Variants in CSNK1G3 observed in about 807,000 individuals in gnomAD.
The protein encoded by CSNK1G3 is casein kinase 1 gamma 3.
Under a neutral mutation model 64.3 loss-of-function variants are expected in CSNK1G3, and 23 were observed. The observed-to-expected ratio is 0.36, with a 90% CI of 0.26 to 0.51. The LOEUF is 0.51. Among genes scored for constraint, CSNK1G3 ranks in the 20% least tolerant of loss-of-function variants. The probability of loss-of-function intolerance (pLI) is 0.96; values close to 1 mark genes in which losing one functional copy is unlikely to be tolerated. For synonymous variants in CSNK1G3, 158 were observed against 162.2 expected (o/e 0.97, Z 0.20); for missense variants, 357 against 510.5 (o/e 0.70, Z 2.90).
At chr5:123,533,003 C>T (rs951340292) in intron 1 of CSNK1G3, among the ~76,000 whole-genome samples, 1 of 151,806 alleles carries the variant, frequency 6.6e-6, no homozygotes, top group Non-Finnish European at 1.5e-5. Flanking sequence ...TTTGTATTAT[C>T]TTTTAATTCT....
At chr5:123,577,003 C>T (rs1326396477) in intron 6 of CSNK1G3, among the ~76,000 whole-genome samples, 6 of 151,976 alleles carry the variant, frequency 3.9e-5, no homozygotes, top group African/African-American at 4.8e-5. Context: ...CTTATTAATT[C>T]TTATCTTATT....
chr5:123,537,839 A>G (rs1781089774), intron 1 of CSNK1G3, among the ~76,000 whole-genome samples: 1 of 152,120 alleles, frequency 6.6e-6, no homozygotes, highest in South Asian at 2.1e-4. Context: ...TTACAGTCAA[A>G]TTTCCTACCA....
chr5:123,531,192 G>A (rs1273572364), intron 1 of CSNK1G3, among the ~76,000 whole-genome samples: 8 of 152,020 alleles, frequency 5.3e-5, no homozygotes, highest in Admixed American at 5.2e-4. Flanking sequence ...ATTTCCATTT[G>A]TTGTAAATTT....
At chr5:123,608,050 C>T (rs751074969) in intron 12 of CSNK1G3, among the ~76,000 whole-genome samples, 4 of 152,112 alleles carry the variant, frequency 2.6e-5, no homozygotes, top group African/African-American at 2.4e-5. Flanking sequence ...CTGCCCCAGC[C>T]CCCCCAGTAG....
chr5:123,517,424 C>T (rs753059486), intron 1 of CSNK1G3, among the ~76,000 whole-genome samples: 4 of 151,800 alleles, frequency 2.6e-5, no homozygotes, highest in South Asian at 4.2e-4. Flanking sequence ...GATAAAAAGG[C>T]GTTTGTATGA....
At chr5:123,582,510 T>G (rs1790491648) in intron 6 of CSNK1G3, among the ~76,000 whole-genome samples, 1 of 152,226 alleles carries the variant, frequency 6.6e-6, no homozygotes, top group African/African-American at 2.4e-5. Flanking sequence ...TTATGGTACA[T>G]ATATTCCTGA....
chr5:123,584,150 A>G (rs1453980644), intron 6 of CSNK1G3, among the ~76,000 whole-genome samples: 1 of 152,200 alleles, frequency 6.6e-6, no homozygotes, highest in Non-Finnish European at 1.5e-5. Flanking sequence ...TCCAATCTGA[A>G]TATCTGTTAA....
chr5:123,579,289 C>T (rs573936383), intron 6 of CSNK1G3, among the ~76,000 whole-genome samples: 537 of 44,754 alleles, frequency 0.012, 3 homozygotes, highest in East Asian at 0.074. Flanking sequence ...TGTAAATTTG[C>T]TGTTTTTTTT....
chr5:123,530,803 A>G (rs1779795996), intron 1 of CSNK1G3, among the ~76,000 whole-genome samples: 1 of 152,222 alleles, frequency 6.6e-6, no homozygotes, highest in African/African-American at 2.4e-5. Context: ...AAGTTTCTGT[A>G]GTATGTAATT....
chr5:123,599,027 C>A (rs1793954502), intron 10 of CSNK1G3, among the ~76,000 whole-genome samples: 1 of 152,102 alleles, frequency 6.6e-6, no homozygotes, highest in Non-Finnish European at 1.5e-5. Context: ...AAATCAAGAT[C>A]CCCAAAATTA....
chr5:123,588,177 T>C (rs760223290), intron 7 of CSNK1G3, 24 bp downstream of exon 7: 1 of 1,470,970 alleles, frequency 6.8e-7, no homozygotes, highest in South Asian at 1.2e-5. Flanking sequence ...TGTTTCTTTA[T>C]TGAATTTCAT....
intron 4 of CSNK1G3, among the ~76,000 whole-genome samples, chr5:123,566,058 T>C (rs143128700): frequency 6.6e-6 from 1 of 152,324 alleles, no homozygotes; most frequent in East Asian, 1.9e-4. Context: ...GATCATGATA[T>C]TATTTCCTTA....
intron 4 of CSNK1G3, among the ~76,000 whole-genome samples, chr5:123,560,649 G>C (rs1023129226): frequency 6.6e-6 from 1 of 152,206 alleles, no homozygotes; most frequent in Non-Finnish European, 1.5e-5. Context: ...GGAGGTCAAG[G>C]CTGCAATGAG....
chr5:123,574,262 C>T lies in CSNK1G3; in HGVS notation c.438+721C>T, dbSNP rs528702334. Among the ~76,000 whole-genome samples the T allele has an allele frequency of 6.6e-5, 10 of 152,196 alleles. No individual in the cohort carries two copies. The East Asian group carries it at 1.2e-3, about 18-fold the overall frequency. On this transcript the variant is annotated intron_variant, in intron 5 of 12. Transcript: ENST00000345990. ...AGACTTCAGGGAATCCGTTGGATAA[C>T]AATTAGAGAGTGATTTTAAGGCAGT...
chr5:123,570,593 T>G (rs983368158), intron 4 of CSNK1G3, among the ~76,000 whole-genome samples: 6 of 152,140 alleles, frequency 3.9e-5, no homozygotes, highest in African/African-American at 1.4e-4. Flanking sequence ...TGACCTCAAG[T>G]GACCCACCGG....
chr5:123,597,584 T>G (rs1793670071), intron 10 of CSNK1G3, among the ~76,000 whole-genome samples: 1 of 152,098 alleles, frequency 6.6e-6, no homozygotes, highest in Non-Finnish European at 1.5e-5. Flanking sequence ...CTCTTGCCAT[T>G]TTTGACCTAT....
intron 1 of CSNK1G3, among the ~76,000 whole-genome samples, chr5:123,530,990 TA>T (rs1779836309): frequency 6.6e-6 from 1 of 152,128 alleles, no homozygotes; most frequent in African/African-American, 2.4e-5. Flanking sequence ...CAAATATCTT[TA>T]CTGATTTAAA....
intron 1 of CSNK1G3, among the ~76,000 whole-genome samples, chr5:123,533,013 T>C (rs1580944845): frequency 6.6e-6 from 1 of 151,990 alleles, no homozygotes; most frequent in East Asian, 1.9e-4. Context: ...CTTTTAATTC[T>C]CCACTAAGGA....
chr5:123,523,184 G>A (rs982805343), intron 1 of CSNK1G3, among the ~76,000 whole-genome samples: 2 of 151,864 alleles, frequency 1.3e-5, no homozygotes, highest in South Asian at 2.1e-4. Flanking sequence ...GATGAGGAAC[G>A]GTCTCTGTTT....
Sources: allele counts gnomAD v4.1 joint callset (sites outside exome capture counted in the v4.1 genomes callset), GRCh38; gene constraint gnomAD v4.1.1; transcripts MANE v1.5; gene names NCBI Gene and HGNC (gene_info 2026-07-23, HGNC 2026-07-21).